Variants in ASXL3 observed in about 807,000 individuals in gnomAD.
ASXL3 encodes the protein putative Polycomb group protein ASXL3.
A neutral mutation model predicts 170.6 loss-of-function variants in ASXL3; 34 were observed. The observed-to-expected ratio is 0.20, with a 90% CI of 0.15 to 0.27. ASXL3 has a LOEUF of 0.27. Among genes scored for constraint, ASXL3 ranks in the 10% least tolerant of loss-of-function variants. The pLI, the probability that ASXL3 is intolerant of heterozygous loss-of-function variation, is 1.00. For missense variants in ASXL3, 2,592 were observed against 2,695.3 expected, an observed-to-expected ratio of 0.96 and a Z score of 0.85; for synonymous variants, 1,002 against 989.1, an observed-to-expected ratio of 1.01 and a Z score of -0.24.
intron 3 of ASXL3, 45 bp from the exon 4 acceptor site, chr18:33,646,200 C>G (rs753294380): frequency 3.1e-5 from 46 of 1,478,052 alleles, no homozygotes; most frequent in Non-Finnish European, 4.1e-5. Context: ...TTTTTAGTTG[C>G]TAATACATCT....
chr18:33,654,754 C>T (rs1371714944), intron 4 of ASXL3, among the ~76,000 whole-genome samples: 1 of 152,024 alleles, frequency 6.6e-6, no homozygotes, highest in Admixed American at 6.6e-5. Flanking sequence ...TATTACTCTC[C>T]ATTACCCTGT....
intron 5 of ASXL3, among the ~76,000 whole-genome samples, chr18:33,662,528 T>C (rs773935938): frequency 2.6e-5 from 4 of 152,164 alleles, no homozygotes; most frequent in Non-Finnish European, 5.9e-5. Flanking sequence ...ACTTCTGTCA[T>C]ACTGGCAAAT....
Position 33,740,142 on chromosome 18 carries a change from A to T in ASXL3, c.2738A>T (p.Lys913Met). Residue 913 changes from lysine (K) to methionine (M), a missense_variant, in exon 11 of 12, where the codon AAG becomes ATG. Transcript: ENST00000269197. ...QDKQYISSVD[K>M]APFSEGSRNK... The stretch of plus-strand genomic sequence containing the variant: ...AAGCAATATATCTCATCAGTGGATA[A>T]GGCTCCATTTTCAGAAGGCTCTAGA... The T allele has an allele frequency of 6.2e-7, 1 of 1,613,948 alleles. No individual in the cohort carries two copies. Among genetic ancestry groups the T allele is most frequent in the Non-Finnish European group, 8.5e-7 (1 of 1,179,874 alleles).
At position 33,663,858 on chromosome 18, in the gene ASXL3, C is replaced by G. The variant is rs573100402; in HGVS notation, c.477+2121C>G. 4.6e-5 allele frequency among the ~76,000 whole-genome samples: 7 copies of G among 152,148 alleles called. No individual in the cohort carries two copies. In the East Asian group the frequency reaches 1.4e-3, roughly 29 times the overall value. On this transcript the variant is annotated intron_variant, in intron 5 of 11. Transcript: ENST00000269197. ...GCATTTTAAACTGTAGCAACCTCAG[C>G]AAATCTACAGCTTTCTTTTCTTTTG...
chr18:33,632,945 T>TG (rs1188982884), intron 2 of ASXL3, among the ~76,000 whole-genome samples: 1 of 152,202 alleles, frequency 6.6e-6, no homozygotes, highest in Non-Finnish European at 1.5e-5. Flanking sequence ...TCATGAGCCA[T>TG]GAAGTGGTGT....
chr18:33,733,864 T>G (rs2067495420), intron 9 of ASXL3, among the ~76,000 whole-genome samples: 2 of 152,318 alleles, frequency 1.3e-5, no homozygotes. Context: ...GTGGTCCTCC[T>G]TAATCGACCT....
chr18:33,661,803 T>G, intron 5 of ASXL3, 66 bp downstream of exon 5: 3 of 1,512,486 alleles, frequency 2.0e-6, no homozygotes, highest in Non-Finnish European at 2.7e-6. Context: ...TGTGTTTTGC[T>G]GATCAAGTAA....
chr18:33,657,631 G>T (rs747445561), intron 4 of ASXL3, among the ~76,000 whole-genome samples: 2 of 152,064 alleles, frequency 1.3e-5, no homozygotes, highest in Non-Finnish European at 2.9e-5. Context: ...ACTGAAGCCC[G>T]CAGTTTTGCT....
intron 1 of ASXL3, among the ~76,000 whole-genome samples, chr18:33,581,360 C>G (rs1257935629): frequency 2.6e-5 from 4 of 151,858 alleles, no homozygotes; most frequent in Admixed American, 1.3e-4. Flanking sequence ...ATATATAACT[C>G]AATATGTGGT....
chr18:33,676,463 A>C (rs2066432463), intron 7 of ASXL3, among the ~76,000 whole-genome samples: 1 of 152,114 alleles, frequency 6.6e-6, no homozygotes, highest in Non-Finnish European at 1.5e-5. Context: ...TGAAAAATAC[A>C]GTGCTTCTAA....
chr18:33,741,666 A>G (rs896467016), intron 11 of ASXL3, among the ~76,000 whole-genome samples: 2 of 152,312 alleles, frequency 1.3e-5, no homozygotes, highest in South Asian at 2.1e-4. Context: ...CAGGAAGACA[A>G]TTTCATCCAT....
At chr18:33,621,922 T>C (rs2065520983) in intron 2 of ASXL3, among the ~76,000 whole-genome samples, 1 of 152,160 alleles carries the variant, frequency 6.6e-6, no homozygotes, top group African/African-American at 2.4e-5. Flanking sequence ...TTTTATGTTT[T>C]CTGATTGAAT....
chr18:33,579,022 C>G lies in ASXL3; in HGVS notation c.54+337C>G, dbSNP rs920611425. Reference sequence around the variant, plus strand: ...AGCTCGACTTCCCTCTCTGCCGCTCCGGAGACCTTTGTGTGGCAATTACCA... The same window carrying G: ...AGCTCGACTTCCCTCTCTGCCGCTCGGGAGACCTTTGTGTGGCAATTACCA... On this transcript the variant is annotated intron_variant, in intron 1 of 11. Coordinates refer to ENST00000269197, the MANE Select transcript of ASXL3 (RefSeq NM_030632.3). 1.8e-5 allele frequency: 3 copies of G among 166,910 alleles called. No homozygotes were observed. The Admixed American group carries it at 1.9e-4, about 11-fold the overall frequency. 10.3% of individuals were successfully genotyped at this position (166,910 alleles called of 1,614,324 possible).
chr18:33,720,759 T>C (rs2067245734), intron 8 of ASXL3, among the ~76,000 whole-genome samples: 1 of 152,098 alleles, frequency 6.6e-6, no homozygotes, highest in Admixed American at 6.6e-5. Context: ...CCTTTAGATG[T>C]CTTTATTTCA....
rs138086074 is a variant in ASXL3 at position 33,707,813 on chromosome 18, A to C, written c.880-24155A>C. The stretch of plus-strand genomic sequence containing the variant: ...TGCTTAAAGCAGATATATTTTATAG[A>C]TGCTTTCTGTCATATTAAGGAAATT... On this transcript the variant is annotated intron_variant, in intron 8 of 11. Transcript: ENST00000269197. 2.6e-5 allele frequency among the ~76,000 whole-genome samples: 4 copies of C among 152,100 alleles called. 1 individual carries two copies. In the Middle Eastern group the frequency reaches 0.014, roughly 517 times the overall value.
intron 8 of ASXL3, among the ~76,000 whole-genome samples, chr18:33,726,527 G>T (rs1263570029): frequency 6.6e-6 from 1 of 152,070 alleles, no homozygotes; most frequent in East Asian, 1.9e-4. Context: ...CAAAGAGAAT[G>T]TAAAATATCT....
At chr18:33,694,670 T>C (rs958687826) in intron 8 of ASXL3, among the ~76,000 whole-genome samples, 4 of 152,150 alleles carry the variant, frequency 2.6e-5, no homozygotes, top group African/African-American at 9.7e-5. Flanking sequence ...CTCAATTCTT[T>C]TGCATTTATG....
chr18:33,743,473 G>C lies in ASXL3; in HGVS notation c.3625G>C (p.Val1209Leu), dbSNP rs1385526880. Residue 1209 changes from valine (V) to leucine (L), a missense_variant, in exon 12 of 12, where the codon GTG (valine) becomes CTG (leucine). Transcript: ENST00000269197. ...GCATAGTTCTGATGAAAACATACCTGTGTCACATTTATCTGAGAAAATTGT... is the reference window on the plus strand; with the variant it reads ...GCATAGTTCTGATGAAAACATACCTCTGTCACATTTATCTGAGAAAATTGT... Reference protein sequence around the residue: ...SVHSSDENIPVSHLSEKIVSS... With the variant: ...SVHSSDENIPLSHLSEKIVSS... 8.1e-6 allele frequency: 13 copies of C among 1,613,464 alleles called. No individual in the cohort carries two copies. The Admixed American group carries it at 1.7e-4, about 21-fold the overall frequency.
intron 2 of ASXL3, among the ~76,000 whole-genome samples, chr18:33,622,761 T>C (rs1433769692): frequency 1.3e-5 from 2 of 152,154 alleles, no homozygotes; most frequent in Admixed American, 6.6e-5. Flanking sequence ...CTCTGAAAGT[T>C]GAATAAACAG....
Sources: gnomAD v4.1 joint callset for allele counts (sites outside exome capture counted in the v4.1 genomes callset) on GRCh38, gnomAD v4.1.1 for gene constraint, MANE v1.5 for transcripts, NCBI Gene and HGNC (gene_info 2026-07-23, HGNC 2026-07-21) for gene names.